The following RPS6KC1 variants were observed in gnomAD, a reference collection of about 807,000 sequenced individuals.
RPS6KC1 encodes the protein ribosomal protein S6 kinase C1, also known as inactive ribosomal protein S6 kinase delta-1.
RPS6KC1 carries 54 observed loss-of-function variants against 103.8 expected under a neutral mutation model. The ratio of observed to expected loss-of-function variants is 0.52; its 90% CI spans 0.42 to 0.65. RPS6KC1 has a LOEUF of 0.65. Ranked by LOEUF, RPS6KC1 falls within the 30% of genes least tolerant of loss-of-function variation. The pLI is 0.00. For missense variants in RPS6KC1, 1,151 were observed against 1,253.8 expected (o/e 0.92, Z 1.24); for synonymous variants, 439 against 438.7 (o/e 1.00, Z -0.01).
At chr1:213,527,886 C>T in the RPS6KC1 span, among the ~76,000 whole-genome samples, 2 of 151,982 alleles carry the variant, frequency 1.3e-5, no homozygotes, top group Non-Finnish European at 2.9e-5. Flanking sequence ...ATACCATGCT[C>T]TTATAATAAA....
At chr1:213,523,998 T>G in the RPS6KC1 span, among the ~76,000 whole-genome samples, 2 of 151,754 alleles carry the variant, frequency 1.3e-5, no homozygotes, top group Admixed American at 6.6e-5. Context: ...GGGAGGCTGA[T>G]CCCCCTGAAG....
At chr1:213,227,814 G>A (rs1201693964) in intron 8 of RPS6KC1, among the ~76,000 whole-genome samples, 1 of 152,100 alleles carries the variant, frequency 6.6e-6, no homozygotes, top group Admixed American at 6.5e-5. Context: ...TCATTTCTGT[G>A]CTTTGCCTTT....
At chr1:213,207,281 C>G (rs1223077790) in intron 8 of RPS6KC1, among the ~76,000 whole-genome samples, 1 of 152,270 alleles carries the variant, frequency 6.6e-6, no homozygotes, top group African/African-American at 2.4e-5. Flanking sequence ...GGAAAGTAAA[C>G]AGCAGACAGA....
chr1:213,741,708 C>T, the RPS6KC1 span, among the ~76,000 whole-genome samples: 8 of 152,192 alleles, frequency 5.3e-5, no homozygotes, highest in African/African-American at 1.4e-4. Flanking sequence ...AGCATATTTA[C>T]AAGTATGGTG....
chr1:213,329,913 C>T, the RPS6KC1 span, among the ~76,000 whole-genome samples: 1 of 152,104 alleles, frequency 6.6e-6, no homozygotes, highest in African/African-American at 2.4e-5. Flanking sequence ...GCTCTCTGAG[C>T]CGGCAAGTGA....
chr1:213,658,287 T>A, the RPS6KC1 span, among the ~76,000 whole-genome samples: 3 of 152,192 alleles, frequency 2.0e-5, no homozygotes, highest in African/African-American at 7.2e-5. Context: ...GAACTAGTTG[T>A]GTTACTGATC....
intron 12 of RPS6KC1, among the ~76,000 whole-genome samples, chr1:213,255,274 C>T (rs192096373): frequency 6.6e-6 from 1 of 150,834 alleles, no homozygotes; most frequent in East Asian, 2.0e-4. Context: ...TGCAGTGAGT[C>T]ATCATCCTGC....
chr1:213,380,245 G>A, the RPS6KC1 span, among the ~76,000 whole-genome samples: 1 of 152,178 alleles, frequency 6.6e-6, no homozygotes, highest in African/African-American at 2.4e-5. Context: ...AACGCTGTAT[G>A]TTCTCACTTA....
intron 3 of RPS6KC1, among the ~76,000 whole-genome samples, chr1:213,092,965 GAA>G (rs1216707290): frequency 6.6e-6 from 1 of 152,154 alleles, no homozygotes; most frequent in Non-Finnish European, 1.5e-5. Context: ...GTCACTGGGT[GAA>G]AGAGTGGCTT....
the RPS6KC1 span, among the ~76,000 whole-genome samples, chr1:213,786,178 G>A: frequency 6.6e-6 from 1 of 152,168 alleles, no homozygotes; most frequent in Non-Finnish European, 1.5e-5. Flanking sequence ...GATCCAGCAG[G>A]AAGTTGGCGG....
intron 4 of RPS6KC1, among the ~76,000 whole-genome samples, chr1:213,112,279 C>G (rs1024973010): frequency 5.9e-5 from 9 of 151,976 alleles, no homozygotes; most frequent in Non-Finnish European, 8.8e-5. Flanking sequence ...ATTATAAGCT[C>G]TTCTATTGTG....
chr1:213,158,810 A>G (rs1340177389), intron 6 of RPS6KC1, among the ~76,000 whole-genome samples: 2 of 152,180 alleles, frequency 1.3e-5, no homozygotes, highest in African/African-American at 2.4e-5. Context: ...GAAGAGAAGG[A>G]ACCCTAGAAA....
At chr1:213,447,063 T>C in the RPS6KC1 span, among the ~76,000 whole-genome samples, 356 of 151,988 alleles carry the variant, frequency 2.3e-3, 1 homozygote, top group Non-Finnish European at 4.1e-3. Flanking sequence ...AATACACATA[T>C]GATGCCAGTA....
the RPS6KC1 span, among the ~76,000 whole-genome samples, chr1:213,528,064 G>A: frequency 1.3e-5 from 2 of 151,824 alleles, no homozygotes; most frequent in Admixed American, 1.3e-4. Flanking sequence ...CAGGGCAGAG[G>A]CAAAAGAAAA....
chr1:213,505,631 A>G, the RPS6KC1 span, among the ~76,000 whole-genome samples: 1 of 152,156 alleles, frequency 6.6e-6, no homozygotes, highest in Non-Finnish European at 1.5e-5. Context: ...TGTACACAGC[A>G]TTTACCATGG....
the RPS6KC1 span, among the ~76,000 whole-genome samples, chr1:213,711,206 C>A: frequency 6.6e-6 from 1 of 152,090 alleles, no homozygotes; most frequent in Admixed American, 6.6e-5. Context: ...TTTGTTCATT[C>A]CTTTTCATTC....
At chr1:213,776,744 C>T in the RPS6KC1 span, among the ~76,000 whole-genome samples, 2 of 152,172 alleles carry the variant, frequency 1.3e-5, no homozygotes, top group African/African-American at 4.8e-5. Context: ...TTGACTTCTC[C>T]TCTCTAGCTA....
chr1:213,728,964 T>TTTTA, the RPS6KC1 span, among the ~76,000 whole-genome samples: 1 of 143,156 alleles, frequency 7.0e-6, no homozygotes, highest in Admixed American at 7.2e-5. Flanking sequence ...TTTTTTTTTT[T>TTTTA]TACCAGTGGA....
the RPS6KC1 span, among the ~76,000 whole-genome samples, chr1:213,283,543 T>A: frequency 6.6e-6 from 1 of 152,140 alleles, no homozygotes; most frequent in Non-Finnish European, 1.5e-5. Context: ...TGGTGTTCAC[T>A]GGGAAGCTCA....
Sources: gnomAD v4.1 joint callset for allele counts (sites outside exome capture counted in the v4.1 genomes callset) on GRCh38, gnomAD v4.1.1 for gene constraint, MANE v1.5 for transcripts, NCBI Gene and HGNC (gene_info 2026-07-23, HGNC 2026-07-21) for gene names.